Variants in CLEC16A observed in about 807,000 individuals in gnomAD.
CLEC16A encodes the protein protein CLEC16A.
A neutral mutation model predicts 109.5 loss-of-function variants in CLEC16A; 51 were observed. The ratio of observed to expected loss-of-function variants is 0.47; its 90% CI spans 0.37 to 0.59. CLEC16A has a LOEUF of 0.59. CLEC16A is among the 20% of genes least tolerant of loss of function. The pLI, the probability that CLEC16A is intolerant of heterozygous loss-of-function variation, is 0.00. For missense variants in CLEC16A, 1,339 were observed against 1,394.0 expected (o/e 0.96, Z 0.63); for synonymous variants, 673 against 564.2 (o/e 1.19, Z -2.73).
Position 10,969,276 on chromosome 16 carries a change from C to G in CLEC16A, c.459C>G (p.Leu153=), listed in dbSNP as rs1380847674. Residue 153 remains leucine, a synonymous_variant, in exon 4 of 24, where the codon CTC becomes CTG. Transcript: ENST00000409790. ...TCCTGAAAACACTTTCGTTAAAACTCAACAACCACACTGTCCATTTCTTTT... is the reference window on the plus strand; with the variant it reads ...TCCTGAAAACACTTTCGTTAAAACTGAACAACCACACTGTCCATTTCTTTT... ...ISFLKTLSLK[L]NNHTVHFFYN... is the part of the protein sequence containing the mutation. The G allele has an allele frequency of 3.2e-5, 52 of 1,610,988 alleles. No individual in the cohort carries two copies. The highest frequency in any genetic ancestry group is 4.1e-5 in the Non-Finnish European group (48 of 1,178,594).
chr16:11,180,379 A>G lies in CLEC16A; in HGVS notation c.*1689A>G, dbSNP rs2068920896. On this transcript the variant is annotated 3_prime_UTR_variant, in exon 24 of 24. Transcript: ENST00000409790. ...ACAAGGACCTTTGCTTCCATAGAGA[A>G]AACGCACAGCTCAGAAAGGGGGCCA... The G allele has an allele frequency of 4.6e-5, 7 of 152,296 alleles. No individual in the cohort carries two copies. The highest frequency in any genetic ancestry group is 4.6e-4 in the Admixed American group (7 of 15,288). 9.4% of individuals were successfully genotyped at this position (152,296 alleles called of 1,614,324 possible). A position where few individuals can be genotyped will look rare whatever the true frequency, so the allele number is the denominator to read the frequency against.
chr16:11,039,029 G>C (rs2047175854), intron 13 of CLEC16A, among the ~76,000 whole-genome samples: 1 of 152,058 alleles, frequency 6.6e-6, no homozygotes, highest in South Asian at 2.1e-4. Flanking sequence ...TTCGTGTCTA[G>C]TCTCTCTTTC....
At chr16:11,165,929 C>T (rs538657579) in intron 22 of CLEC16A, among the ~76,000 whole-genome samples, 7 of 152,322 alleles carry the variant, frequency 4.6e-5, no homozygotes, top group East Asian at 1.9e-4. Context: ...TCCTCCTGCC[C>T]GGGTGTGACT....
intron 19 of CLEC16A, among the ~76,000 whole-genome samples, chr16:11,078,459 C>A (rs1386047509): frequency 6.6e-6 from 1 of 152,204 alleles, no homozygotes; most frequent in East Asian, 1.9e-4. Flanking sequence ...CCTTGCCCAC[C>A]TGCTAATCAG....
intron 11 of CLEC16A, among the ~76,000 whole-genome samples, chr16:11,018,891 T>G (rs2152799126): frequency 1.3e-5 from 2 of 152,272 alleles, no homozygotes; most frequent in East Asian, 3.9e-4. Flanking sequence ...GCCGTGTGTT[T>G]GGATTTCATC....
chr16:11,027,670 A>T (rs143533624), intron 13 of CLEC16A: 25,678 of 1,563,716 alleles, frequency 0.016, 297 homozygotes, highest in South Asian at 0.037. Flanking sequence ...GTGGCCCATC[A>T]TGCTACCAAA....
chr16:11,043,081 C>T (rs201658266), intron 15 of CLEC16A, among the ~76,000 whole-genome samples: 3,430 of 77,222 alleles, frequency 0.044, 50 homozygotes, highest in Non-Finnish European at 0.052. Context: ...TATATATATA[C>T]ACACACACAC....
At chr16:11,058,897 C>T (rs1235147544) in intron 18 of CLEC16A, among the ~76,000 whole-genome samples, 1 of 152,036 alleles carries the variant, frequency 6.6e-6, no homozygotes, top group African/African-American at 2.4e-5. Flanking sequence ...TGTGATGGGC[C>T]GTTTCCTTTC....
rs149309447 is a variant in CLEC16A at position 11,050,661 on chromosome 16, C to T, written c.1867-852C>T. On this transcript the variant is annotated intron_variant, in intron 17 of 23. Coordinates refer to ENST00000409790, the MANE Select transcript of CLEC16A (RefSeq NM_015226.3). ...GTGTCTTAGTCCTCAAAGAAGGCTT[C>T]GCAGAGGTGGTGTGGAAAGAGGCCG... 5.1e-4 allele frequency among the ~76,000 whole-genome samples: 78 copies of T among 152,300 alleles called. 2 individuals carry two copies. The South Asian group carries it at 7.3e-3, about 14-fold the overall frequency.
At chr16:10,982,112 C>T (rs1414026271) in intron 9 of CLEC16A, among the ~76,000 whole-genome samples, 5 of 152,246 alleles carry the variant, frequency 3.3e-5, no homozygotes, top group African/African-American at 9.6e-5. Flanking sequence ...GTGCTACACC[C>T]TCTTGCCTTT....
intron 22 of CLEC16A, among the ~76,000 whole-genome samples, chr16:11,142,683 A>G (rs1433559388): frequency 6.6e-6 from 1 of 152,244 alleles, no homozygotes; most frequent in African/African-American, 2.4e-5. Flanking sequence ...GGTCTGGCCA[A>G]GAGTGTAGTT....
chr16:11,121,759 A>T (rs1034447898), intron 20 of CLEC16A, among the ~76,000 whole-genome samples: 13 of 151,674 alleles, frequency 8.6e-5, no homozygotes, highest in African/African-American at 3.2e-4. Flanking sequence ...AGGCACCTGT[A>T]ATCCCAGCTA....
At position 11,039,882 on chromosome 16, in the gene CLEC16A, C is replaced by T. The variant is rs2047226408; in HGVS notation, c.1660+6C>T. The T allele has an allele frequency of 1.9e-6, 3 of 1,611,634 alleles. No homozygotes were observed. The highest frequency in any genetic ancestry group is 1.7e-6 in the Non-Finnish European group (2 of 1,178,900). Reference sequence around the variant, plus strand: ...GAACAACGCTGCCCAGCCAGGTGCCCACTTGGGGTGTTGTCTGTCCACAGG... The same window carrying T: ...GAACAACGCTGCCCAGCCAGGTGCCTACTTGGGGTGTTGTCTGTCCACAGG... On this transcript the variant is annotated splice_donor_region_variant and intron_variant, in intron 14 of 23. Coordinates refer to ENST00000409790, the MANE Select transcript of CLEC16A (RefSeq NM_015226.3).
intron 11 of CLEC16A, among the ~76,000 whole-genome samples, chr16:11,017,371 C>T (rs2152794363): frequency 6.6e-6 from 1 of 152,194 alleles, no homozygotes; most frequent in South Asian, 2.1e-4. Flanking sequence ...AGAAGCAGAA[C>T]AATAGAGAAT....
chr16:11,037,220 C>G (rs567690975), intron 13 of CLEC16A, among the ~76,000 whole-genome samples: 34 of 152,182 alleles, frequency 2.2e-4, no homozygotes, highest in Non-Finnish European at 2.9e-4. Flanking sequence ...CCCAAGAGGA[C>G]GGGCCCCCTG....
intron 22 of CLEC16A, among the ~76,000 whole-genome samples, chr16:11,164,948 A>G (rs1014901251): frequency 6.6e-6 from 1 of 152,170 alleles, no homozygotes; most frequent in African/African-American, 2.4e-5. Context: ...GCTGTGGTGA[A>G]TGCATTCGCT....
chr16:11,126,077 CA>C lies in CLEC16A; in HGVS notation c.2573del (p.Gln858ArgfsTer31). On this transcript the variant is annotated frameshift_variant, in exon 22 of 24. Transcript: ENST00000409790. LOFTEE classifies it high-confidence loss of function. The part of the protein sequence containing the change: ...TQHLPFRFYD[Q>X]GRRGSSDPTV... ...GCACCTGCCTTTCCGCTTCTACGACCAGGGGCGCCGGGGCAGCAGCGACCCC... is the reference window on the plus strand; with the variant it reads ...GCACCTGCCTTTCCGCTTCTACGACCGGGGCGCCGGGGCAGCAGCGACCCC... The C allele has an allele frequency of 6.2e-6, 10 of 1,613,964 alleles. No individual in the cohort carries two copies. Among genetic ancestry groups the C allele is most frequent in the Non-Finnish European group, 8.5e-6 (10 of 1,179,876 alleles).
intron 11 of CLEC16A, among the ~76,000 whole-genome samples, chr16:11,015,709 G>T (rs897799211): frequency 2.6e-5 from 4 of 152,234 alleles, no homozygotes; most frequent in Admixed American, 2.0e-4. Context: ...AATTCTGCTG[G>T]TGTCCAACGA....
At chr16:11,029,135 C>G (rs1433050010) in intron 13 of CLEC16A, among the ~76,000 whole-genome samples, 2 of 152,104 alleles carry the variant, frequency 1.3e-5, no homozygotes, top group Non-Finnish European at 2.9e-5. Context: ...TTTTTTGAGG[C>G]TTGCTTTTAA....
Sources: allele counts gnomAD v4.1 joint callset (sites outside exome capture counted in the v4.1 genomes callset), GRCh38; gene constraint gnomAD v4.1.1; transcripts MANE v1.5; gene names NCBI Gene and HGNC (gene_info 2026-07-23, HGNC 2026-07-21).